The following NDEL1 variants were observed in gnomAD, a reference collection of about 807,000 sequenced individuals.
NDEL1 encodes nudE neurodevelopment protein 1 like 1, also known as nuclear distribution protein nudE-like 1.
NDEL1 carries 9 observed loss-of-function variants against 45.7 expected under a neutral mutation model. The observed-to-expected ratio is 0.20, with a 90% CI of 0.12 to 0.34. The LOEUF is 0.34. NDEL1 is among the 10% of genes least tolerant of loss of function. The pLI is 1.00. For synonymous variants in NDEL1, 133 were observed against 158.6 expected, an observed-to-expected ratio of 0.84 and a Z score of 1.21; for missense variants, 306 against 406.2, an observed-to-expected ratio of 0.75 and a Z score of 2.12.
At chr17:8,435,596 T>C (rs766730501), upstream of NDEL1, among the ~76,000 whole-genome samples, 1 of 152,242 alleles carries the variant, frequency 6.6e-6, no homozygotes, top group Non-Finnish European at 1.5e-5. Context: ...AGGGCCTTGG[T>C]GGCCAGAAAA....
upstream of NDEL1, chr17:8,435,790 G>GCCCCCCCC: frequency 8.1e-6 from 3 of 371,032 alleles, no homozygotes; most frequent in Admixed American, 3.2e-5. Flanking sequence ...TGTGACACCA[G>GCCCCCCCC]CCCCGCCCCA....
intron 5 of NDEL1, among the ~76,000 whole-genome samples, chr17:8,449,139 C>G (rs1280512044): frequency 6.6e-6 from 1 of 152,202 alleles, no homozygotes; most frequent in East Asian, 1.9e-4. Context: ...CCCGCCACCA[C>G]ACCCAGCTGA....
chr17:8,458,829 T>C lies in NDEL1; in HGVS notation c.793-1180T>C, dbSNP rs568929829. On this transcript the variant is annotated intron_variant, in intron 7 of 8. Transcript: ENST00000334527. The stretch of plus-strand genomic sequence containing the variant: ...GCAATCTCTGCTTCCTGGGTTCCAG[T>C]GATTCTTGTGCCTTAGCCTCCTGCG... 2.3e-3 allele frequency among the ~76,000 whole-genome samples: 343 copies of C among 152,252 alleles called. 1 individual carries two copies. Among genetic ancestry groups the C allele is most frequent in the Non-Finnish European group, 4.0e-3 (271 of 68,008 alleles).
chr17:8,455,010 A>T (rs1414185971), intron 7 of NDEL1, 123 bp downstream of exon 7: 2 of 910,444 alleles, frequency 2.2e-6, no homozygotes, highest in African/African-American at 3.4e-5. Context: ...TGAAGCTCAG[A>T]AGCAAAAGCA....
chr17:8,455,458 C>T (rs1037394211), intron 7 of NDEL1, among the ~76,000 whole-genome samples: 9 of 152,098 alleles, frequency 5.9e-5, no homozygotes, highest in African/African-American at 1.9e-4. Context: ...GAGGCTGAGG[C>T]GGGTGGATCA....
At chr17:8,448,776 A>C in intron 5 of NDEL1, 90 bp downstream of exon 5, 1 of 1,284,838 alleles carries the variant, frequency 7.8e-7, no homozygotes, top group South Asian at 1.6e-5. Context: ...TTTTTTTTCA[A>C]CCAAATGTGG....
intron 6 of NDEL1, among the ~76,000 whole-genome samples, chr17:8,451,741 C>T (rs1195902529): frequency 3.9e-5 from 6 of 151,928 alleles, no homozygotes; most frequent in East Asian, 1.9e-4. Context: ...TTTTGCAGCT[C>T]GTAGTTCATA....
At chr17:8,451,047 T>C in intron 6 of NDEL1, 94 bp downstream of exon 6, 1 of 1,285,518 alleles carries the variant, frequency 7.8e-7, no homozygotes, top group Non-Finnish European at 1.0e-6. Context: ...TAAAGAGTAA[T>C]TTTAGTTTAA....
At chr17:8,472,910 T>C (rs1737415367), downstream of NDEL1, among the ~76,000 whole-genome samples, 1 of 152,154 alleles carries the variant, frequency 6.6e-6, no homozygotes, top group African/African-American at 2.4e-5. Flanking sequence ...ACACTGCTGC[T>C]GGGTAGAAGC....
chr17:8,468,576 T>C (rs1215489169), downstream of NDEL1, among the ~76,000 whole-genome samples: 1 of 152,200 alleles, frequency 6.6e-6, no homozygotes. Flanking sequence ...ATCCCTCAGG[T>C]TAATGCTAGC....
At chr17:8,421,085 A>G (rs1034940990) in intron 1 of NDEL1, among the ~76,000 whole-genome samples, 3 of 152,228 alleles carry the variant, frequency 2.0e-5, no homozygotes, top group Admixed American at 1.3e-4. Context: ...AATATGATTA[A>G]CATCAATTCT....
At chr17:8,474,040 A>G (rs1912090225) in intron 3 of NDEL1, among the ~76,000 whole-genome samples, 1 of 152,204 alleles carries the variant, frequency 6.6e-6, no homozygotes, top group South Asian at 2.1e-4. Context: ...TGGCAGGAAC[A>G]AGAGTTGGAG....
At chr17:8,440,304 T>C (rs1909645824) in intron 1 of NDEL1, among the ~76,000 whole-genome samples, 1 of 151,984 alleles carries the variant, frequency 6.6e-6, no homozygotes, top group Non-Finnish European at 1.5e-5. Context: ...GATCACGAGG[T>C]CAGGAGTTCG....
chr17:8,431,795 CA>C (rs1196008444), upstream of NDEL1: 2 of 151,328 alleles, frequency 1.3e-5, no homozygotes, highest in Non-Finnish European at 2.9e-5. Context: ...TCGGAAAGTT[CA>C]TAGAAAAATG....
chr17:8,434,993 C>A (rs1013889197), upstream of NDEL1, among the ~76,000 whole-genome samples: 1 of 152,022 alleles, frequency 6.6e-6, no homozygotes, highest in African/African-American at 2.4e-5. Flanking sequence ...TTGCTTAAAC[C>A]TGGGAGGCGG....
downstream of NDEL1, among the ~76,000 whole-genome samples, chr17:8,469,255 G>C (rs1911772852): frequency 6.6e-6 from 1 of 152,132 alleles, no homozygotes; most frequent in East Asian, 1.9e-4. Flanking sequence ...TCATTGGAAG[G>C]ATTGGATTAG....
chr17:8,417,832 G>A (rs888159519), intron 1 of NDEL1, among the ~76,000 whole-genome samples: 1 of 152,210 alleles, frequency 6.6e-6, no homozygotes, highest in Non-Finnish European at 1.5e-5. Context: ...CAGATCTGGA[G>A]CTATTCTGGT....
chr17:8,446,099 G>A, intron 3 of NDEL1: 1 of 318,754 alleles, frequency 3.1e-6, no homozygotes, highest in Non-Finnish European at 5.6e-6. Flanking sequence ...AATGTTCCTA[G>A]CTATATTATA....
intron 6 of NDEL1, among the ~76,000 whole-genome samples, chr17:8,452,596 G>A (rs1159136332): frequency 6.6e-6 from 1 of 152,088 alleles, no homozygotes; most frequent in Non-Finnish European, 1.5e-5. Context: ...CAGAGAAATC[G>A]GTAAGATCTT....
Sources: allele counts gnomAD v4.1 joint callset (sites outside exome capture counted in the v4.1 genomes callset), GRCh38; gene constraint gnomAD v4.1.1; transcripts MANE v1.5; gene names NCBI Gene and HGNC (gene_info 2026-07-23, HGNC 2026-07-21).